BMPER: variants seen among roughly 807,000 people sequenced by gnomAD.
BMPER encodes the protein BMP binding endothelial regulator, also known as BMP-binding endothelial regulator protein.
A neutral mutation model predicts 87.3 loss-of-function variants in BMPER; 45 were observed. The observed-to-expected ratio is 0.52, with a 90% CI of 0.41 to 0.66. BMPER has a LOEUF of 0.66. Among genes scored for constraint, BMPER ranks in the 30% least tolerant of loss-of-function variants. BMPER has a pLI of 0.00. For missense variants in BMPER, 784 were observed against 867.5 expected (o/e 0.90, Z 1.21); for synonymous variants, 326 against 316.2 (o/e 1.03, Z -0.33).
intron 11 of BMPER, among the ~76,000 whole-genome samples, chr7:34,075,670 A>C (rs1436903434): frequency 6.6e-6 from 1 of 152,230 alleles, no homozygotes; most frequent in African/African-American, 2.4e-5. Flanking sequence ...CTATCACGCC[A>C]GGCTTTCCAG....
chr7:33,906,723 G>A, intron 1 of BMPER, 95 bp from the exon 2 acceptor site: 1 of 1,096,100 alleles, frequency 9.1e-7, no homozygotes, highest in Non-Finnish European at 1.4e-6. Context: ...AGTTTGGGTA[G>A]AGGTTTCAAA....
intron 13 of BMPER, among the ~76,000 whole-genome samples, chr7:34,127,353 C>G (rs909510367): frequency 6.6e-6 from 1 of 152,142 alleles, no homozygotes; most frequent in African/African-American, 2.4e-5. Flanking sequence ...CTTCTATTGT[C>G]CCCCTACCGC....
chr7:33,992,530 T>G (rs1283732526), intron 6 of BMPER, among the ~76,000 whole-genome samples: 1 of 149,250 alleles, frequency 6.7e-6, no homozygotes, highest in Non-Finnish European at 1.5e-5. Flanking sequence ...TGAGATGGGT[T>G]TCCTGAACAC....
chr7:33,908,993 C>G (rs748383354), intron 2 of BMPER, among the ~76,000 whole-genome samples: 1 of 152,176 alleles, frequency 6.6e-6, no homozygotes. Flanking sequence ...GCACTCCGGA[C>G]AGCCAGGAAG....
At chr7:33,976,790 G>A (rs1051001051) in intron 6 of BMPER, among the ~76,000 whole-genome samples, 3 of 152,152 alleles carry the variant, frequency 2.0e-5, no homozygotes, top group Non-Finnish European at 2.9e-5. Flanking sequence ...ATCCAGTGCT[G>A]GAACTGGAAA....
At chr7:33,908,477 TA>T (rs1257388411) in intron 2 of BMPER, among the ~76,000 whole-genome samples, 3 of 152,170 alleles carry the variant, frequency 2.0e-5, no homozygotes, top group Non-Finnish European at 4.4e-5. Flanking sequence ...CTACCCCTGC[TA>T]AAAATAGTGC....
chr7:34,058,625 T>G (rs976152856), intron 10 of BMPER, among the ~76,000 whole-genome samples: 1 of 152,208 alleles, frequency 6.6e-6, no homozygotes, highest in African/African-American at 2.4e-5. Flanking sequence ...TTGCTGAAGT[T>G]TTCTCTCTCT....
chr7:33,971,562 C>G (rs1785548128), intron 5 of BMPER, among the ~76,000 whole-genome samples: 1 of 152,166 alleles, frequency 6.6e-6, no homozygotes, highest in Non-Finnish European at 1.5e-5. Flanking sequence ...TGCTTGAGTG[C>G]TTTTCTCTCT....
chr7:34,016,035 A>C (rs1787017754), intron 6 of BMPER, among the ~76,000 whole-genome samples: 1 of 151,840 alleles, frequency 6.6e-6, no homozygotes, highest in South Asian at 2.1e-4. Flanking sequence ...AGAGACTGAG[A>C]GAGAGAGAGA....
At chr7:34,114,286 C>G (rs2127987188) in intron 13 of BMPER, among the ~76,000 whole-genome samples, 1 of 152,314 alleles carries the variant, frequency 6.6e-6, no homozygotes, top group East Asian at 1.9e-4. Flanking sequence ...CTATGCCGGT[C>G]TACTTTTTGG....
At chr7:34,122,000 G>T (rs572905717) in intron 13 of BMPER, among the ~76,000 whole-genome samples, 1 of 151,176 alleles carries the variant, frequency 6.6e-6, no homozygotes, top group East Asian at 2.0e-4. Flanking sequence ...GTACATGCCT[G>T]TGGTCCCAGC....
At chr7:33,921,716 T>C in intron 2 of BMPER, 1 of 470,920 alleles carries the variant, frequency 2.1e-6, no homozygotes, top group South Asian at 1.5e-5. Flanking sequence ...CTGTGGTCTT[T>C]CTGGGATGGG....
intron 7 of BMPER, among the ~76,000 whole-genome samples, chr7:34,048,594 G>T (rs541345959): frequency 2.0e-5 from 3 of 152,240 alleles, no homozygotes; most frequent in African/African-American, 7.2e-5. Context: ...GTGACATTTG[G>T]GTCTGGCTCC....
rs1257141371 is a variant in BMPER at position 33,974,776 on chromosome 7, TC to T, written c.570del (p.Cys191AlafsTer9). On this transcript the variant is annotated frameshift_variant, in exon 6 of 15. Transcript: ENST00000649409. LOFTEE classifies it high-confidence loss of function. ...AGAAGGAAGCAAATGTACCAAGTGT[TC>T]CTGCACTGTAAGTCCTGCTGTGGAT... ...QPEGSKCTKC[S>X]CTGGRTQCVR... 1.2e-6 allele frequency: 2 copies of T among 1,613,908 alleles called. No individual in the cohort carries two copies. Among genetic ancestry groups the T allele is most frequent in the Non-Finnish European group, 1.7e-6 (2 of 1,179,922 alleles).
rs71554125 is a variant in BMPER, at chr7:34,118,997, G to GTC, written c.1746-24216_1746-24215dup. 6.2e-3 allele frequency among the ~76,000 whole-genome samples: 612 copies of GTC among 97,978 alleles called. 2 individuals are homozygous for GTC. Among genetic ancestry groups the GTC allele is most frequent in the African/African-American group, 0.021 (515 of 25,084 alleles). 64.3% of individuals were successfully genotyped at this position (97,978 alleles called of 152,430 possible). A position where few individuals can be genotyped will look rare whatever the true frequency, so the allele number is the denominator to read the frequency against. The stretch of plus-strand genomic sequence containing the variant: ...AATCTCTCTCTCTCTCTCTCTCACT[G>GTC]TCTCTCTCTCTCTCTCTCACACACA... On this transcript the variant is annotated intron_variant, in intron 13 of 14. Transcript: ENST00000649409.
At chr7:33,911,421 A>G (rs191425193) in intron 2 of BMPER, among the ~76,000 whole-genome samples, 1 of 152,320 alleles carries the variant, frequency 6.6e-6, no homozygotes, top group East Asian at 1.9e-4. Context: ...AACGTTTACT[A>G]CTTAAAAACT....
At position 33,905,761 on chromosome 7, in the gene BMPER, G is replaced by T; in HGVS notation, c.133+15G>T. 1.3e-6 allele frequency: 2 copies of T among 1,594,132 alleles called. No homozygotes were observed. Among genetic ancestry groups the T allele is most frequent in the South Asian group, 2.2e-5 (2 of 90,642 alleles). On this transcript the variant is annotated intron_variant, in intron 1 of 14. Coordinates refer to ENST00000649409, the MANE Select transcript of BMPER (RefSeq NM_001365308.1). ...CTTCTTGACAGGTAGGGGAGGGGGC[G>T]GGAGGGACCGGCCCTCCGGGACGCC... is the stretch of plus-strand genomic sequence containing the variant.
At chr7:34,020,444 T>A (rs1295872295) in intron 6 of BMPER, among the ~76,000 whole-genome samples, 1 of 151,914 alleles carries the variant, frequency 6.6e-6, no homozygotes, top group Non-Finnish European at 1.5e-5. Flanking sequence ...TTTGAAAGTA[T>A]GTGCAGATCA....
chr7:34,041,951 A>G (rs1360763730), intron 6 of BMPER, among the ~76,000 whole-genome samples: 2 of 152,186 alleles, frequency 1.3e-5, no homozygotes, highest in African/African-American at 4.8e-5. Context: ...GATGAGTGCC[A>G]CATCACACGC....
Sources: allele counts gnomAD v4.1 joint callset (sites outside exome capture counted in the v4.1 genomes callset), GRCh38; gene constraint gnomAD v4.1.1; transcripts MANE v1.5; gene names NCBI Gene and HGNC (gene_info 2026-07-23, HGNC 2026-07-21).